THSD4: variants seen among roughly 807,000 people sequenced by gnomAD.
THSD4 encodes thrombospondin type 1 domain containing 4.
In THSD4, 69 loss-of-function variants were observed where a neutral mutation model predicts 119.0. The observed-to-expected ratio is 0.58, with a 90% CI of 0.48 to 0.71. The LOEUF is 0.71. Among genes scored for constraint, THSD4 ranks in the 30% least tolerant of loss-of-function variants. The pLI, the probability that THSD4 is intolerant of heterozygous loss-of-function variation, is 0.00. For synonymous variants in THSD4, 524 were observed against 540.4 expected (o/e 0.97, Z 0.42); for missense variants, 1,393 against 1,391.1 (o/e 1.00, Z -0.02).
intron 7 of THSD4, among the ~76,000 whole-genome samples, chr15:71,442,568 C>CAAAAA (rs71154770): frequency 0.03 from 1,010 of 33,342 alleles, 107 homozygotes; most frequent in Non-Finnish European, 0.039. Flanking sequence ...AACTCCATCT[C>CAAAAA]AAAAAAAAAA....
intron 2 of THSD4, among the ~76,000 whole-genome samples, chr15:71,154,291 C>G (rs1222687869): frequency 6.6e-6 from 1 of 152,190 alleles, no homozygotes; most frequent in East Asian, 1.9e-4. Context: ...CTAATCAGGG[C>G]TGGTGACAGT....
chr15:71,245,579 C>G (rs1297597112), intron 5 of THSD4, among the ~76,000 whole-genome samples: 4 of 152,196 alleles, frequency 2.6e-5, no homozygotes, highest in South Asian at 4.1e-4. Flanking sequence ...CAGGCATAAG[C>G]TCTCCAGAAT....
intron 6 of THSD4, among the ~76,000 whole-genome samples, chr15:71,372,696 T>TG (rs1418388081): frequency 6.6e-6 from 1 of 152,168 alleles, no homozygotes; most frequent in Non-Finnish European, 1.5e-5. Context: ...TACCGGGGGG[T>TG]GCCTCCCAGT....
At chr15:71,224,606 A>T (rs952398444) in intron 4 of THSD4, among the ~76,000 whole-genome samples, 10 of 152,140 alleles carry the variant, frequency 6.6e-5, no homozygotes, top group African/African-American at 2.4e-4. Context: ...ACACCAGTTT[A>T]TTTGCTTACA....
At chr15:71,530,369 C>T (rs545678893) in intron 7 of THSD4, among the ~76,000 whole-genome samples, 1 of 152,204 alleles carries the variant, frequency 6.6e-6, no homozygotes, top group East Asian at 1.9e-4. Context: ...GCTCCTGTGG[C>T]TGGGAGAAAG....
At chr15:71,715,603 T>TTG (rs145783738) in intron 8 of THSD4, among the ~76,000 whole-genome samples, 25,675 of 151,856 alleles carry the variant, frequency 0.17, 2,364 homozygotes, top group Middle Eastern at 0.22. Flanking sequence ...GTGTATGTGT[T>TTG]TGTGTGTGTG....
intron 7 of THSD4, among the ~76,000 whole-genome samples, chr15:71,649,748 A>C (rs983631694): frequency 1.3e-5 from 2 of 152,188 alleles, no homozygotes; most frequent in Non-Finnish European, 2.9e-5. Flanking sequence ...TTTTACATTT[A>C]AGTCTTTAAT....
At chr15:71,339,118 T>G (rs1025913862) in intron 6 of THSD4, among the ~76,000 whole-genome samples, 3 of 152,182 alleles carry the variant, frequency 2.0e-5, no homozygotes, top group Non-Finnish European at 4.4e-5. Flanking sequence ...TTTTGTTAGC[T>G]TTGTGTTCTG....
intron 7 of THSD4, among the ~76,000 whole-genome samples, chr15:71,623,264 A>G (rs536471300): frequency 7.2e-5 from 11 of 152,340 alleles, no homozygotes; most frequent in South Asian, 6.2e-4. Flanking sequence ...GTGTTATGCC[A>G]TTAATGACAA....
chr15:71,256,839 G>A, intron 6 of THSD4, 124 bp downstream of exon 6: 2 of 807,086 alleles, frequency 2.5e-6, no homozygotes, highest in Non-Finnish European at 3.9e-6. Flanking sequence ...GGGAGAAAGT[G>A]TGACTCCAGG....
chr15:71,131,353 C>T (rs2040502388), intron 1 of THSD4, among the ~76,000 whole-genome samples: 1 of 151,662 alleles, frequency 6.6e-6, no homozygotes, highest in Admixed American at 6.6e-5. Context: ...AAGGTCCTAA[C>T]TTGACAAAAT....
intron 15 of THSD4, among the ~76,000 whole-genome samples, chr15:71,764,074 A>G (rs879808646): frequency 1.3e-5 from 2 of 151,682 alleles, no homozygotes; most frequent in Non-Finnish European, 2.9e-5. Context: ...CTCAAAAAAA[A>G]AATAAATAAA....
At chr15:71,196,519 A>T (rs2043720903) in intron 3 of THSD4, among the ~76,000 whole-genome samples, 1 of 152,166 alleles carries the variant, frequency 6.6e-6, no homozygotes, top group South Asian at 2.1e-4. Context: ...ACAGAGAGAG[A>T]AAAAGAATGA....
At chr15:71,627,082 C>T (rs1449309603) in intron 7 of THSD4, among the ~76,000 whole-genome samples, 4 of 151,192 alleles carry the variant, frequency 2.6e-5, no homozygotes, top group Non-Finnish European at 3.0e-5. Context: ...TTTTGACACT[C>T]TTTTTTTTTA....
At chr15:71,199,620 G>GT (rs1436897689) in intron 3 of THSD4, among the ~76,000 whole-genome samples, 5 of 54,348 alleles carry the variant, frequency 9.2e-5, no homozygotes, top group African/African-American at 4.0e-4. Flanking sequence ...GTGGTGTGTG[G>GT]GTGTGTGGTG....
chr15:71,146,295 T>C (rs941284420), intron 2 of THSD4, among the ~76,000 whole-genome samples: 4 of 152,240 alleles, frequency 2.6e-5, no homozygotes, highest in Admixed American at 6.5e-5. Context: ...ATAAGCATTA[T>C]GTGAGGTTTC....
intron 7 of THSD4, among the ~76,000 whole-genome samples, chr15:71,545,861 T>C (rs1433659454): frequency 6.6e-6 from 1 of 152,192 alleles, no homozygotes; most frequent in African/African-American, 2.4e-5. Flanking sequence ...TAAATGGTCA[T>C]GTGACTGGTG....
intron 16 of THSD4, among the ~76,000 whole-genome samples, chr15:71,770,384 G>A (rs138019665): frequency 0.024 from 3,521 of 149,756 alleles, 70 homozygotes; most frequent in Middle Eastern, 0.039. Context: ...GCTGGGTGCA[G>A]TGGCTCACGC....
At chr15:71,646,219 TTTTC>T (rs2140972220) in intron 7 of THSD4, among the ~76,000 whole-genome samples, 1 of 152,322 alleles carries the variant, frequency 6.6e-6, no homozygotes, top group South Asian at 2.1e-4. Context: ...TACCAGTTTC[TTTTC>T]TTTATATTGC....
Sources: gnomAD v4.1 joint callset for allele counts (sites outside exome capture counted in the v4.1 genomes callset) on GRCh38, gnomAD v4.1.1 for gene constraint, MANE v1.5 for transcripts, NCBI Gene and HGNC (gene_info 2026-07-23, HGNC 2026-07-21) for gene names.